Variants in SLC10A6 observed in about 807,000 individuals in gnomAD.
The protein encoded by SLC10A6 is sodium-dependent organic anion transporter.
A neutral mutation model predicts 30.0 loss-of-function variants in SLC10A6; 27 were observed. That is an observed-to-expected ratio of 0.90 (90% CI 0.66 to 1.24). SLC10A6 has a LOEUF of 1.24. SLC10A6 is among the 50% of genes most tolerant of loss of function. The pLI is 0.00. For synonymous variants in SLC10A6, 166 were observed against 173.8 expected (o/e 0.95, Z 0.36); for missense variants, 439 against 457.0 (o/e 0.96, Z 0.36).
intron 1 of SLC10A6, among the ~76,000 whole-genome samples, chr4:86,834,126 C>A (rs750490298): frequency 6.6e-6 from 1 of 152,144 alleles, no homozygotes; most frequent in Non-Finnish European, 1.5e-5. Flanking sequence ...AGGGGCAGAT[C>A]CCTCATGAAC....
chr4:86,831,643 C>A, intron 3 of SLC10A6, 149 bp downstream of exon 3: 1 of 664,286 alleles, frequency 1.5e-6, no homozygotes, highest in Non-Finnish European at 2.7e-6. Context: ...GAAATATGAT[C>A]CCTGGATCCA....
intron 3 of SLC10A6, among the ~76,000 whole-genome samples, chr4:86,829,367 C>G (rs541192063): frequency 6.6e-6 from 1 of 151,928 alleles, no homozygotes; most frequent in African/African-American, 2.4e-5. Flanking sequence ...GCCAAGATTG[C>G]GCCACTGCAC....
chr4:86,849,351 A>C lies in SLC10A6; in HGVS notation c.-236T>G. 4 of 526,860 alleles carry C rather than the reference A, an allele frequency of 7.6e-6. No homozygotes were observed. In the South Asian group the frequency reaches 1.1e-4, roughly 14 times the overall value. The allele number at this position is 526,860 out of a possible 1,614,324, so 32.6% of individuals were successfully genotyped here. On this transcript the variant is annotated 5_prime_UTR_variant, in exon 1 of 6. Coordinates refer to ENST00000273905, the MANE Select transcript of SLC10A6 (RefSeq NM_197965.3). ...TAAACTGTGGTAAGTAAGGCTTTCC[A>C]CTTCTGTTCTTACTCACCACTGAAT...
chr4:86,823,476 C>T lies in SLC10A6; in HGVS notation c.*212G>A, dbSNP rs901872510. 3.7e-5 allele frequency: 18 copies of T among 484,774 alleles called. 1 individual carries two copies. Among genetic ancestry groups the T allele is most frequent in the South Asian group, 3.6e-4 (9 of 24,752 alleles). The allele number at this position is 484,774 out of a possible 1,614,324, so 30.0% of individuals were successfully genotyped here. On this transcript the variant is annotated 3_prime_UTR_variant, in exon 6 of 6. Coordinates refer to ENST00000273905, the MANE Select transcript of SLC10A6 (RefSeq NM_197965.3). ...GAACATACAAGGCAGCTCATTGATA[C>T]GTTATGTTAACCCCCAGAAGAAACT...
At chr4:86,825,332 C>A (rs948834732) in intron 5 of SLC10A6, 88 bp downstream of exon 5, 4 of 1,275,514 alleles carry the variant, frequency 3.1e-6, no homozygotes, top group South Asian at 1.6e-5. Flanking sequence ...AGGGGCAGCA[C>A]ATGCAAGTTT....
At chr4:86,826,255 G>T (rs1292703094) in intron 4 of SLC10A6, among the ~76,000 whole-genome samples, 1 of 152,070 alleles carries the variant, frequency 6.6e-6, no homozygotes, top group Non-Finnish European at 1.5e-5. Flanking sequence ...AAAGACATAT[G>T]AAACAATATA....
Position 86,844,110 on chromosome 4 carries a change from A to G in SLC10A6, c.377+4629T>C, listed in dbSNP as rs1013131245. Among the ~76,000 whole-genome samples the G allele has an allele frequency of 5.9e-5, 9 of 152,268 alleles. No homozygotes were observed. The East Asian group carries it at 7.7e-4, about 13-fold the overall frequency. ...GGAGAATGGTGTGAACCTGGGAGGC[A>G]GAGCTTGCAGTGAGCCGAGATCACG... On this transcript the variant is annotated intron_variant, in intron 1 of 5. Coordinates refer to ENST00000273905, the MANE Select transcript of SLC10A6 (RefSeq NM_197965.3).
In SLC10A6 at chr4:86,842,866, C is replaced by CT. The variant is rs1212903351; in HGVS notation, c.377+5872dup. Among the ~76,000 whole-genome samples, 2 of 45,456 alleles carry CT rather than the reference C, an allele frequency of 4.4e-5. 1 individual carries two copies. The highest frequency in any genetic ancestry group is 8.0e-5 in the Non-Finnish European group (2 of 24,998). The allele number at this position is 45,456 out of a possible 152,430, so 29.8% of individuals were successfully genotyped here. A position where few individuals can be genotyped will look rare whatever the true frequency, so the allele number is the denominator to read the frequency against. On this transcript the variant is annotated intron_variant, in intron 1 of 5. Transcript: ENST00000273905. ...TCTTTCTTTCTTTCTTTCTTTCTTT[C>CT]TTTCTTTCTTTTTTTTTTTGAGATG...
chr4:86,846,503 T>G lies in SLC10A6; in HGVS notation c.377+2236A>C, dbSNP rs778667428. ...GGGAGGCCGAGACAAGAGGATCACC[T>G]GACGGCAGGAGTTTGAGAACAGCCT... On this transcript the variant is annotated intron_variant, in intron 1 of 5. Coordinates refer to ENST00000273905, the MANE Select transcript of SLC10A6 (RefSeq NM_197965.3). Among the ~76,000 whole-genome samples the G allele has an allele frequency of 1.6e-4, 24 of 152,292 alleles. No homozygotes were observed. The Middle Eastern group carries it at 0.01, about 65-fold the overall frequency.
At chr4:86,848,617 T>G (rs1253849437) in intron 1 of SLC10A6, 122 bp downstream of exon 1, 1 of 1,280,354 alleles carries the variant, frequency 7.8e-7, no homozygotes, top group Non-Finnish European at 1.1e-6. Context: ...TCTGTGATAT[T>G]TGTAACATTT....
At chr4:86,841,480 G>A (rs908957963) in intron 1 of SLC10A6, among the ~76,000 whole-genome samples, 6 of 152,154 alleles carry the variant, frequency 3.9e-5, no homozygotes, top group African/African-American at 1.4e-4. Flanking sequence ...TAAGTCTCTT[G>A]ACTTTTCATG....
At chr4:86,839,634 G>C (rs1487194097) in intron 1 of SLC10A6, among the ~76,000 whole-genome samples, 1 of 152,000 alleles carries the variant, frequency 6.6e-6, no homozygotes, top group Non-Finnish European at 1.5e-5. Context: ...TTAACCATAG[G>C]TCAGTTGCTT....
intron 1 of SLC10A6, among the ~76,000 whole-genome samples, chr4:86,841,908 C>T (rs1447524088): frequency 1.3e-5 from 2 of 152,126 alleles, no homozygotes; most frequent in Non-Finnish European, 2.9e-5. Context: ...CCCGATTTTC[C>T]ATCCCTCAAT....
At chr4:86,835,819 T>G (rs1199786086) in intron 1 of SLC10A6, among the ~76,000 whole-genome samples, 1 of 150,964 alleles carries the variant, frequency 6.6e-6, no homozygotes, top group Non-Finnish European at 1.5e-5. Flanking sequence ...GAGTGATGAG[T>G]TAGAGTACAA....
At position 86,835,690 on chromosome 4, in the gene SLC10A6, C is replaced by T. The variant is rs551261598; in HGVS notation, c.378-2266G>A. On this transcript the variant is annotated intron_variant, in intron 1 of 5. Transcript: ENST00000273905. ...TCAAAAAAAAAGAAAGACAGAAAGACGAAAAGACACAAGAAAAGAAGAAAA... is the reference window on the plus strand; with the variant it reads ...TCAAAAAAAAAGAAAGACAGAAAGATGAAAAGACACAAGAAAAGAAGAAAA... Among the ~76,000 whole-genome samples the T allele has an allele frequency of 2.9e-4, 36 of 125,320 alleles. 1 individual carries two copies. In the South Asian group the frequency reaches 7.9e-3, roughly 27 times the overall value. 82.2% of individuals were successfully genotyped at this position (125,320 alleles called of 152,430 possible). A position where few individuals can be genotyped will look rare whatever the true frequency, so the allele number is the denominator to read the frequency against.
At position 86,848,909 on chromosome 4, in the gene SLC10A6, AGCAATGC is replaced by A; in HGVS notation, c.200_206del (p.Gly67ValfsTer24). On this transcript the variant is annotated frameshift_variant, in exon 1 of 6. Coordinates refer to ENST00000273905, the MANE Select transcript of SLC10A6 (RefSeq NM_197965.3). LOFTEE classifies it high-confidence loss of function. ...GCCCAAACTGGCAGAGCAGTCCCAC[AGCAATGC>A]CCCAGGGTCTCCTGATGTGCGACCA... The A allele has an allele frequency of 6.2e-7, 1 of 1,614,214 alleles. No individual in the cohort carries two copies. Among genetic ancestry groups the A allele is most frequent in the Non-Finnish European group, 8.5e-7 (1 of 1,180,032 alleles).
At chr4:86,839,916 A>ATT (rs1056512639) in intron 1 of SLC10A6, among the ~76,000 whole-genome samples, 3 of 123,104 alleles carry the variant, frequency 2.4e-5, no homozygotes, top group South Asian at 2.5e-4. Flanking sequence ...TTTTTTTTTT[A>ATT]TTTTTTTTTT....
intron 1 of SLC10A6, among the ~76,000 whole-genome samples, chr4:86,839,012 T>A (rs1156546790): frequency 6.6e-6 from 1 of 151,634 alleles, no homozygotes; most frequent in Non-Finnish European, 1.5e-5. Context: ...CTTTCAGAAA[T>A]CCAAACTTAG....
chr4:86,835,705 A>G lies in SLC10A6; in HGVS notation c.378-2281T>C, dbSNP rs534523794. On this transcript the variant is annotated intron_variant, in intron 1 of 5. Coordinates refer to ENST00000273905, the MANE Select transcript of SLC10A6 (RefSeq NM_197965.3). ...GACAGAAAGACGAAAAGACACAAGA[A>G]AAGAAGAAAAGAAAGAAAAGGAGAA... Among the ~76,000 whole-genome samples, 10 of 150,914 alleles carry G rather than the reference A, an allele frequency of 6.6e-5. No homozygotes were observed. The East Asian group carries it at 1.8e-3, about 26-fold the overall frequency.
Sources: gnomAD v4.1 joint callset for allele counts (sites outside exome capture counted in the v4.1 genomes callset) on GRCh38, gnomAD v4.1.1 for gene constraint, MANE v1.5 for transcripts, NCBI Gene and HGNC (gene_info 2026-07-23, HGNC 2026-07-21) for gene names.